SYNE2: variants seen among roughly 807,000 people sequenced by gnomAD.
SYNE2 encodes nesprin-2.
SYNE2 carries 431 observed loss-of-function variants against 856.3 expected under a neutral mutation model. The ratio of observed to expected loss-of-function variants is 0.50; its 90% confidence interval spans 0.47 to 0.55. SYNE2 has a LOEUF of 0.55. SYNE2 is among the 20% of genes least tolerant of loss of function. The pLI, the probability that SYNE2 is intolerant of heterozygous loss-of-function variation, is 0.00. For missense variants in SYNE2, 8,129 were observed against 8,023.2 expected (o/e 1.01, Z -0.50); for synonymous variants, 2,923 against 2,872.3 (o/e 1.02, Z -0.56).
rs1240329822 is a variant in SYNE2, at chr14:63,960,699, A to G, written c.788-826A>G. The G allele has an allele frequency of 4.0e-6, 3 of 751,790 alleles. No individual in the cohort carries two copies. The South Asian group carries it at 4.1e-5, about 10-fold the overall frequency. 46.6% of individuals were successfully genotyped at this position (751,790 alleles called of 1,614,324 possible). A position where few individuals can be genotyped will look rare whatever the true frequency, so the allele number is the denominator to read the frequency against. On this transcript the variant is annotated intron_variant, in intron 8 of 115. Transcript: ENST00000555002. ...ATTTTGTCTGTGACATATTGCATTC[A>G]CCCTTTTGTGATTTTATGATCTCCT...
Position 64,070,826 on chromosome 14 carries a change from T to C in SYNE2, c.10613T>C (p.Ile3538Thr). The C allele has an allele frequency of 2.5e-6, 4 of 1,614,140 alleles. No individual in the cohort carries two copies. Among genetic ancestry groups the C allele is most frequent in the Non-Finnish European group, 3.4e-6 (4 of 1,180,026 alleles). Residue 3538 changes from isoleucine to threonine, a missense_variant, in exon 52 of 116, where the codon ATC becomes ACC. Ile to Thr is a moderately conservative substitution (Grantham distance 89). Coordinates refer to ENST00000555002, the MANE Select transcript of SYNE2 (RefSeq NM_182914.3). ...CTACTTCTTCAGCGCATCAGAAGTA[T>C]CCAGAATGTTCCTGAAAGCTCAGGG... ...LTLLLQRIRS[I>T]QNVPESSGAV...
In SYNE2 at chr14:64,165,320, G is replaced by A. The variant is rs2098368063; in HGVS notation, c.16515G>A (p.Arg5505=). The A allele has an allele frequency of 1.2e-6, 2 of 1,613,912 alleles. No homozygotes were observed. Among genetic ancestry groups the A allele is most frequent in the Non-Finnish European group, 1.7e-6 (2 of 1,179,888 alleles). Residue 5505 remains arginine, a synonymous_variant, in exon 90 of 116, where the codon CGG becomes CGA. Coordinates refer to ENST00000555002, the MANE Select transcript of SYNE2 (RefSeq NM_182914.3). ...CACAGTTTAAGGATTTTGGAGTCCG[G>A]CTGGAATCTTTAAAAGGTCTTATTA... ...VLSQFKDFGV[R]LESLKGLIMH...
intron 41 of SYNE2, 84 bp from the exon 42 acceptor site, chr14:64,026,495 T>C (rs546802308): frequency 1.8e-6 from 2 of 1,095,194 alleles, no homozygotes; most frequent in South Asian, 1.3e-5. Context: ...AGAATCTCTA[T>C]ATAAAGCTTA....
chr14:64,167,083 A>G lies in SYNE2; in HGVS notation c.16606-150A>G, dbSNP rs1595943097. ...ATTGAGATAGCTGAATTCAGGTCCC[A>G]CTCTAACATTAGCAAGCTGTTTGAC... is the stretch of plus-strand genomic sequence containing the variant. On this transcript the variant is annotated intron_variant, in intron 90 of 115. Transcript: ENST00000555002. 4 of 916,250 alleles carry G rather than the reference A, an allele frequency of 4.4e-6. No individual in the cohort carries two copies. In the East Asian group the frequency reaches 1.0e-4, roughly 24 times the overall value. The allele number at this position is 916,250 out of a possible 1,614,324, so 56.8% of individuals were successfully genotyped here.
chr14:63,975,480 G>A (rs542524248), intron 11 of SYNE2, among the ~76,000 whole-genome samples: 2 of 152,104 alleles, frequency 1.3e-5, no homozygotes, highest in South Asian at 4.2e-4. Context: ...CTATAGGTGT[G>A]CACCACCACT....
At chr14:63,814,376 AT>A (rs1334241486) in intron 1 of SYNE2, among the ~76,000 whole-genome samples, 1 of 147,440 alleles carries the variant, frequency 6.8e-6, no homozygotes, top group Admixed American at 6.9e-5. Context: ...AACTAATAGG[AT>A]ATATATTATA....
In SYNE2 at chr14:63,909,203, G is replaced by A. The variant is rs1011315005; in HGVS notation, c.55G>A (p.Asp19Asn). ...AGATGAACAGGGTTCCTGGGGCATC[G>A]ACGATCTCCATATTTCATTGCAAGG... Reference protein sequence around the residue: ...TEDEQGSWGIDDLHISLQAEQ... With the variant: ...TEDEQGSWGINDLHISLQAEQ... The change falls in exon 2 of 116, where the codon GAC (aspartate) becomes AAC (asparagine). Residue 19 changes from aspartate to asparagine, a missense_variant. Transcript: ENST00000555002. 12 of 1,612,546 alleles carry A rather than the reference G, an allele frequency of 7.4e-6. No homozygotes were observed. The African/African-American group carries it at 1.1e-4, about 14-fold the overall frequency.
At chr14:63,960,832 G>A (rs755597487) in intron 8 of SYNE2, 21 of 752,426 alleles carry the variant, frequency 2.8e-5, no homozygotes, top group South Asian at 2.7e-4. Context: ...ACTGTTTGAG[G>A]CCAGGAGTTT....
chr14:64,019,982 C>T lies in SYNE2; in HGVS notation c.5050-10C>T. On this transcript the variant is annotated splice_polypyrimidine_tract_variant and intron_variant, in intron 34 of 115. Coordinates refer to ENST00000555002, the MANE Select transcript of SYNE2 (RefSeq NM_182914.3). ...AAAAAGACACTATCCTTTAAAATTA[C>T]ATGTTTTAGGAAGAATTACAAGTCC... is the stretch of plus-strand genomic sequence containing the variant. 2 of 1,549,356 alleles carry T rather than the reference C, an allele frequency of 1.3e-6. No homozygotes were observed. The highest frequency in any genetic ancestry group is 1.4e-5 in the African/African-American group (1 of 73,630).
intron 2 of SYNE2, among the ~76,000 whole-genome samples, chr14:63,930,507 C>T (rs542588574): frequency 3.3e-5 from 5 of 151,100 alleles, no homozygotes; most frequent in East Asian, 1.9e-4. Context: ...TCTGGCTGCT[C>T]ATCACTATCC....
At chr14:63,778,814 C>T (rs980990085) in intron 1 of SYNE2, among the ~76,000 whole-genome samples, 13 of 151,986 alleles carry the variant, frequency 8.6e-5, no homozygotes, top group Non-Finnish European at 1.3e-4. Context: ...CGCACCTGGC[C>T]CATTATTATT....
At chr14:64,042,778 C>T (rs1029124045) in intron 45 of SYNE2, among the ~76,000 whole-genome samples, 3 of 152,096 alleles carry the variant, frequency 2.0e-5, no homozygotes, top group Non-Finnish European at 4.4e-5. Context: ...TTAAATTGCC[C>T]TGTCTTGGGT....
At chr14:64,132,581 C>T in intron 77 of SYNE2, 143 bp downstream of exon 77, 2 of 1,162,980 alleles carry the variant, frequency 1.7e-6, no homozygotes, top group South Asian at 1.3e-5. Context: ...GACCCCTGCT[C>T]AGGTTCTGAG....
At chr14:63,900,810 C>A (rs756413293) in intron 1 of SYNE2, among the ~76,000 whole-genome samples, 2 of 152,144 alleles carry the variant, frequency 1.3e-5, no homozygotes, top group Non-Finnish European at 2.9e-5. Flanking sequence ...AAAAGATGAA[C>A]AAATTTATTG....
At chr14:64,115,595 G>A (rs2097848152) in intron 66 of SYNE2, among the ~76,000 whole-genome samples, 1 of 152,118 alleles carries the variant, frequency 6.6e-6, no homozygotes, top group Non-Finnish European at 1.5e-5. Context: ...GGCTCTAAAT[G>A]GATTAAAATA....
At chr14:64,215,095 C>A (rs1342488606) in intron 106 of SYNE2, among the ~76,000 whole-genome samples, 191 bp from the exon 107 acceptor site, 26 of 152,004 alleles carry the variant, frequency 1.7e-4, no homozygotes, top group Admixed American at 1.7e-3. Flanking sequence ...CCCTTTGATA[C>A]CCAGTGTCCT....
rs374309989 is a variant in SYNE2 at position 63,815,497 on chromosome 14, A to G, written c.-304-37004A>G. 8.6e-5 allele frequency among the ~76,000 whole-genome samples: 13 copies of G among 151,986 alleles called. No individual in the cohort carries two copies. In the East Asian group the frequency reaches 2.3e-3, roughly 27 times the overall value. ...GCTAGTTGTGCTGCCAGCTGATTAG[A>G]TGGTGCCCACCCAGATTAAGGGTGA... is the stretch of plus-strand genomic sequence containing the variant. On this transcript the variant is annotated intron_variant, in intron 1 of 23. Transcript: ENST00000674003.
rs550705784 is a variant in SYNE2 at position 63,928,847 on chromosome 14, G to A, written c.80-11767G>A. ...TTTAATTATCATCCTTACCGTGTCC[G>A]TCCTAGCTAACAGTGAGTTGGCAGT... On this transcript the variant is annotated intron_variant, in intron 2 of 115. Transcript: ENST00000555002. Among the ~76,000 whole-genome samples, 52 of 152,118 alleles carry A rather than the reference G, an allele frequency of 3.4e-4. 1 individual carries two copies. The South Asian group carries it at 3.9e-3, about 12-fold the overall frequency.
At chr14:63,906,749 C>T (rs943007178) in intron 1 of SYNE2, among the ~76,000 whole-genome samples, 7 of 152,142 alleles carry the variant, frequency 4.6e-5, no homozygotes, top group Non-Finnish European at 1.0e-4. Flanking sequence ...GACTATTTTG[C>T]ATGAAATGCT....
Sources: allele counts gnomAD v4.1 joint callset (sites outside exome capture counted in the v4.1 genomes callset), GRCh38; gene constraint gnomAD v4.1.1; transcripts MANE v1.5; gene names NCBI Gene and HGNC (gene_info 2026-07-23, HGNC 2026-07-21).